Variants in RAF1 observed in about 807,000 individuals in gnomAD.
RAF1 encodes Raf-1 proto-oncogene, serine/threonine kinase.
A neutral mutation model predicts 81.1 loss-of-function variants in RAF1; 27 were observed. The ratio of observed to expected loss-of-function variants is 0.33; its 90% CI spans 0.25 to 0.46. The LOEUF (loss-of-function observed/expected upper bound fraction) is 0.46. Among genes scored for constraint, RAF1 ranks in the 20% least tolerant of loss-of-function variants. The pLI, the probability that RAF1 is intolerant of heterozygous loss-of-function variation, is 1.00. For missense variants in RAF1, 598 were observed against 826.0 expected (o/e 0.72, Z 3.38); for synonymous variants, 298 against 294.0 (o/e 1.01, Z -0.14).
rs370476197 is a variant in RAF1 at position 12,625,922 on chromosome 3, G to A, written c.-26-7175C>T. 1.8e-4 allele frequency among the ~76,000 whole-genome samples: 28 copies of A among 151,890 alleles called. 1 individual carries two copies. Among genetic ancestry groups the A allele is most frequent in the South Asian group, 4.1e-4 (2 of 4,824 alleles). On this transcript the variant is annotated intron_variant, in intron 1 of 17. Coordinates refer to ENST00000442415, the MANE Select transcript of RAF1 (RefSeq NM_001354689.3). ...TTTAATACTTCCAAGTACTATATGC[G>A]TAGTATAATATCGAAAGTAAACCAT...
rs535705351 is a variant in RAF1, at chr3:12,591,462, A to G, written c.1253+246T>C. 6.6e-5 allele frequency among the ~76,000 whole-genome samples: 10 copies of G among 152,322 alleles called. No individual in the cohort carries two copies. The South Asian group carries it at 2.1e-3, about 32-fold the overall frequency. Reference sequence around the variant, plus strand: ...AAAACCCAGAGACAGAAATTGGGCTATTGAGTTTACTGTGCCCAGAGGAGG... The same window carrying G: ...AAAACCCAGAGACAGAAATTGGGCTGTTGAGTTTACTGTGCCCAGAGGAGG... On this transcript the variant is annotated intron_variant, in intron 12 of 17. Transcript: ENST00000442415.
intron 1 of RAF1, among the ~76,000 whole-genome samples, chr3:12,649,228 T>C (rs1021461713): frequency 6.6e-6 from 1 of 152,214 alleles, no homozygotes; most frequent in Non-Finnish European, 1.5e-5. Flanking sequence ...GTAAAACTGA[T>C]AATATCATTT....
At chr3:12,629,170 C>G (rs1461224620) in intron 1 of RAF1, among the ~76,000 whole-genome samples, 1 of 152,118 alleles carries the variant, frequency 6.6e-6, no homozygotes, top group Non-Finnish European at 1.5e-5. Flanking sequence ...GTAGAATCCA[C>G]ATGTTAAATA....
At chr3:12,595,434 C>T (rs1394936281) in intron 11 of RAF1, among the ~76,000 whole-genome samples, 1 of 152,124 alleles carries the variant, frequency 6.6e-6, no homozygotes, top group Non-Finnish European at 1.5e-5. Flanking sequence ...AGATAATGAG[C>T]TCTCTCATCA....
intron 3 of RAF1, among the ~76,000 whole-genome samples, chr3:12,610,112 A>C (rs942114855): frequency 6.6e-6 from 1 of 152,232 alleles, no homozygotes; most frequent in Non-Finnish European, 1.5e-5. Flanking sequence ...AATAAGACAA[A>C]AAATAGATAC....
intron 1 of RAF1, among the ~76,000 whole-genome samples, chr3:12,662,448 A>G (rs1450017104): frequency 6.6e-6 from 1 of 152,032 alleles, no homozygotes; most frequent in East Asian, 1.9e-4. Context: ...TTCAATCACT[A>G]TCAGCTTCAA....
At chr3:12,631,426 G>T (rs2059855724) in intron 1 of RAF1, among the ~76,000 whole-genome samples, 1 of 150,506 alleles carries the variant, frequency 6.6e-6, no homozygotes, top group Non-Finnish European at 1.5e-5. Context: ...GTGAAACCCT[G>T]TCTCTACTAA....
At chr3:12,598,157 T>C (rs2058741151) in intron 11 of RAF1, among the ~76,000 whole-genome samples, 1 of 151,508 alleles carries the variant, frequency 6.6e-6, no homozygotes, top group African/African-American at 2.4e-5. Context: ...TAGCTGGGAC[T>C]ACAGGCGAGT....
intron 1 of RAF1, among the ~76,000 whole-genome samples, chr3:12,629,917 G>A (rs2059813838): frequency 1.3e-5 from 2 of 152,104 alleles, no homozygotes; most frequent in South Asian, 4.1e-4. Context: ...TGATTAGCTG[G>A]GACTACAGGT....
At chr3:12,588,857 G>A (rs2058413660) in intron 13 of RAF1, 1 of 152,170 alleles carries the variant, frequency 6.6e-6, no homozygotes, top group Non-Finnish European at 1.5e-5. Context: ...AGTGGCAGGT[G>A]TTTGGGTCAT....
At chr3:12,621,555 A>C (rs916457259) in intron 1 of RAF1, among the ~76,000 whole-genome samples, 2 of 152,248 alleles carry the variant, frequency 1.3e-5, no homozygotes, top group Non-Finnish European at 2.9e-5. Context: ...TCTTTTTGGG[A>C]AAGAATACGG....
intron 6 of RAF1, among the ~76,000 whole-genome samples, chr3:12,605,250 A>ATATGTGTGTGTGTGTGTGTGTGTGTG (rs1553613998): frequency 9.7e-5 from 14 of 144,632 alleles, no homozygotes; most frequent in African/African-American, 2.8e-4. Context: ...ATTACACATT[A>ATATGTGTGTGTGTGTGTGTGTGTGTG]TGTGTGTGTG....
chr3:12,595,974 C>G (rs909319693), intron 11 of RAF1, among the ~76,000 whole-genome samples: 1 of 148,884 alleles, frequency 6.7e-6, no homozygotes, highest in African/African-American at 2.5e-5. Context: ...CTCCCAGGCT[C>G]AAGTGATCCT....
chr3:12,633,488 TA>T (rs11414306), intron 1 of RAF1, among the ~76,000 whole-genome samples: 432 of 109,212 alleles, frequency 4.0e-3, no homozygotes, highest in Non-Finnish European at 4.2e-3. Context: ...GTCTGGAAAT[TA>T]AAAAAAAAAA....
rs1480507957 is a variant in RAF1 at position 12,618,601 on chromosome 3, G to C, written c.121C>G (p.Arg41Gly). ...GTGAGTTTGCCATCATCTGATGCCC[G>C]GCGCTGATAGCCAAACTGCTGAACT... is the stretch of plus-strand genomic sequence containing the variant. The change falls in exon 2 of 18, where the codon CGG becomes GGG. Residue 41 changes from arginine (R) to glycine (G), a missense_variant. Around this residue, in one of 5 missense-constraint regions of RAF1, gnomAD observed 83 missense variants for 72.3 expected, o/e 1.15. Transcript: ENST00000442415. The C allele has an allele frequency of 6.2e-7, 1 of 1,614,138 alleles. No homozygotes were observed. Among genetic ancestry groups the C allele is most frequent in the Non-Finnish European group, 8.5e-7 (1 of 1,180,026 alleles).
At position 12,618,600 on chromosome 3, in the gene RAF1, C is replaced by T. The variant is rs145611571; in HGVS notation, c.122G>A (p.Arg41Gln). 2.8e-4 allele frequency: 445 copies of T among 1,614,110 alleles called. No homozygotes were observed. The highest frequency in any genetic ancestry group is 6.6e-4 in the Middle Eastern group (4 of 6,062). The change falls in exon 2 of 18, where the codon CGG (arginine) becomes CAG (glutamine). Residue 41 changes from arginine (R) to glutamine (Q), a missense_variant. Transcript: ENST00000442415. ...TGTGAGTTTGCCATCATCTGATGCC[C>T]GGCGCTGATAGCCAAACTGCTGAAC...
intron 14 of RAF1, chr3:12,587,360 T>G (rs2058362191): frequency 1.7e-6 from 1 of 574,940 alleles, no homozygotes; most frequent in African/African-American, 1.9e-5. Context: ...TGAGATAAAC[T>G]CAGAAAGGAA....
At chr3:12,647,930 T>C (rs2060405845) in intron 1 of RAF1, among the ~76,000 whole-genome samples, 1 of 152,202 alleles carries the variant, frequency 6.6e-6, no homozygotes, top group Non-Finnish European at 1.5e-5. Flanking sequence ...TCCTACATTT[T>C]AAAAGTGTAA....
At chr3:12,637,706 A>G (rs901278834) in intron 1 of RAF1, among the ~76,000 whole-genome samples, 1 of 151,842 alleles carries the variant, frequency 6.6e-6, no homozygotes, top group African/African-American at 2.4e-5. Context: ...TACAAAAATC[A>G]GCCAGGTGTA....
Sources: gnomAD v4.1 joint callset for allele counts (sites outside exome capture counted in the v4.1 genomes callset) on GRCh38, gnomAD v4.1.1 for gene constraint, gnomAD v4.1.1 regional missense constraint, MANE v1.5 for transcripts, NCBI Gene and HGNC (gene_info 2026-07-23, HGNC 2026-07-21) for gene names.